Variants in SLC9C1 observed in about 807,000 individuals in gnomAD.
SLC9C1 encodes solute carrier family 9 member C1.
In SLC9C1, 97 loss-of-function variants were observed where a neutral mutation model predicts 140.9. The observed-to-expected ratio is 0.69, with a 90% CI of 0.58 to 0.82. The LOEUF is 0.82. SLC9C1 is among the 40% of genes least tolerant of loss of function. The pLI is 0.00. For synonymous variants in SLC9C1, 440 were observed against 442.6 expected, an observed-to-expected ratio of 0.99 and a Z score of 0.07; for missense variants, 1,340 against 1,389.3, an observed-to-expected ratio of 0.96 and a Z score of 0.56.
chr3:112,180,072 A>G (rs2077410184), intron 22 of SLC9C1, among the ~76,000 whole-genome samples: 1 of 152,194 alleles, frequency 6.6e-6, no homozygotes, highest in Non-Finnish European at 1.5e-5. Context: ...AAAATGATGG[A>G]TAGTGTTATC....
chr3:112,179,407 A>G, intron 23 of SLC9C1, 124 bp downstream of exon 23: 2 of 1,109,584 alleles, frequency 1.8e-6, no homozygotes, highest in Non-Finnish European at 2.5e-6. Flanking sequence ...GTTCCTTTAT[A>G]ATTCCTAGTT....
At chr3:112,228,944 T>C (rs2078750528) in intron 13 of SLC9C1, among the ~76,000 whole-genome samples, 2 of 143,020 alleles carry the variant, frequency 1.4e-5, no homozygotes, top group African/African-American at 4.9e-5. Context: ...AATAGATGAA[T>C]GGATACAGAA....
chr3:112,202,128 T>C (rs922511463), intron 18 of SLC9C1, 122 bp downstream of exon 18: 8 of 1,125,362 alleles, frequency 7.1e-6, no homozygotes, highest in Non-Finnish European at 1.0e-5. Flanking sequence ...TTTAAGTTTT[T>C]AAAGAAATGA....
At chr3:112,209,445 A>G (rs893245158) in intron 15 of SLC9C1, among the ~76,000 whole-genome samples, 12 of 152,258 alleles carry the variant, frequency 7.9e-5, no homozygotes, top group Admixed American at 3.3e-4. Flanking sequence ...GCTTAAATTT[A>G]TGGTTAAATT....
intron 15 of SLC9C1, among the ~76,000 whole-genome samples, chr3:112,216,709 G>C (rs578227455): frequency 7.2e-5 from 11 of 152,136 alleles, no homozygotes; most frequent in African/African-American, 2.7e-4. Context: ...GAAACAACAG[G>C]TGCTGGAGAG....
At chr3:112,226,839 C>G (rs1370643262) in intron 13 of SLC9C1, among the ~76,000 whole-genome samples, 3 of 151,718 alleles carry the variant, frequency 2.0e-5, no homozygotes, top group Non-Finnish European at 4.4e-5. Context: ...TAATAAAAAT[C>G]AGAACTAAAA....
At chr3:112,168,322 TACACACACACACACAC>T (rs56965031) in intron 25 of SLC9C1, among the ~76,000 whole-genome samples, 4 of 133,734 alleles carry the variant, frequency 3.0e-5, no homozygotes, top group African/African-American at 5.6e-5. Context: ...CACAAAACAA[TACACACACACACACAC>T]ACACACACAC....
intron 10 of SLC9C1, among the ~76,000 whole-genome samples, chr3:112,254,009 A>G (rs1247725136): frequency 6.6e-6 from 1 of 152,218 alleles, no homozygotes; most frequent in Admixed American, 6.5e-5. Context: ...TGAAGGCTTG[A>G]TCCATGAAAT....
chr3:112,274,890 T>A lies in SLC9C1; in HGVS notation c.613+7A>T, dbSNP rs759610410. On this transcript the variant is annotated splice_region_variant and intron_variant, in intron 6 of 28. Coordinates refer to ENST00000305815, the MANE Select transcript of SLC9C1 (RefSeq NM_183061.3). ...TGTTGAGAAAAATTTTTTAAAAATA[T>A]ACTTACCTAAGGTATGGTTTCTTTT... 1 of 1,536,946 alleles carries A rather than the reference T, an allele frequency of 6.5e-7. No individual in the cohort carries two copies. Among genetic ancestry groups the A allele is most frequent in the Non-Finnish European group, 8.7e-7 (1 of 1,150,590 alleles).
At chr3:112,223,103 A>T (rs1348560062) in intron 13 of SLC9C1, among the ~76,000 whole-genome samples, 1 of 152,170 alleles carries the variant, frequency 6.6e-6, no homozygotes, top group Non-Finnish European at 1.5e-5. Flanking sequence ...ATATGTAATA[A>T]AACATATCTA....
In SLC9C1 at chr3:112,208,333, C is replaced by T; in HGVS notation, c.1831G>A (p.Glu611Lys). The change falls in exon 16 of 29, where the codon GAG (glutamate) becomes AAG (lysine). Residue 611 changes from glutamate (E) to lysine (K), a missense_variant. Physicochemically the swap from Glu to Lys is moderately conservative, Grantham distance 56. Coordinates refer to ENST00000305815, the MANE Select transcript of SLC9C1 (RefSeq NM_183061.3). ...FRICHTIVFTEEFEHVGYLVI... is the reference protein window; with the variant it reads ...FRICHTIVFTKEFEHVGYLVI... The stretch of plus-strand genomic sequence containing the variant: ...AGGTATCCAACATGTTCAAATTCCT[C>T]AGTAAATACTATTGTATGGCATATA... 1.2e-6 allele frequency: 2 copies of T among 1,602,576 alleles called. No individual in the cohort carries two copies. The highest frequency in any genetic ancestry group is 8.5e-7 in the Non-Finnish European group (1 of 1,173,920).
At chr3:112,285,840 C>G (rs2080492746) in intron 2 of SLC9C1, among the ~76,000 whole-genome samples, 1 of 152,114 alleles carries the variant, frequency 6.6e-6, no homozygotes, top group South Asian at 2.1e-4. Context: ...GATCTTGGCT[C>G]ATTGCAATAT....
rs550676206 is a variant in SLC9C1 at position 112,214,574 on chromosome 3, A to G, written c.1790+2868T>C. Among the ~76,000 whole-genome samples the G allele has an allele frequency of 4.3e-4, 66 of 152,320 alleles. 1 individual carries two copies. In the South Asian group the frequency reaches 0.014, roughly 32 times the overall value. ...ATACAAACTACCCTCAGAGAATACT[A>G]TAAACACCTCTACACAAATAAACTA... On this transcript the variant is annotated intron_variant, in intron 15 of 28. Transcript: ENST00000305815.
intron 2 of SLC9C1, among the ~76,000 whole-genome samples, chr3:112,281,755 T>G (rs6438063): frequency 0.99 from 151,425 of 152,342 alleles, 75,260 homozygotes; most frequent in Middle Eastern, 1. Flanking sequence ...TTGAAAAGAG[T>G]AATATGAATT....
At chr3:112,229,631 G>A (rs9844769) in intron 13 of SLC9C1, among the ~76,000 whole-genome samples, 44,688 of 151,814 alleles carry the variant, frequency 0.29, 6,759 homozygotes, top group East Asian at 0.35. Flanking sequence ...AATTGTGTGC[G>A]TGTATGTGTG....
rs749535123 is a variant in SLC9C1 at position 112,217,534 on chromosome 3, ATTCT to A, written c.1694_1697del (p.Lys565IlefsTer42). On this transcript the variant is annotated frameshift_variant, in exon 15 of 29. Coordinates refer to ENST00000305815, the MANE Select transcript of SLC9C1 (RefSeq NM_183061.3). LOFTEE classifies it high-confidence loss of function. ...TAACTGTTTTTTGGCTTTCAGAATA[ATTCT>A]TTATTGTATCAAGACTCATACATCT... 3 of 1,607,480 alleles carry A rather than the reference ATTCT, an allele frequency of 1.9e-6. No homozygotes were observed. The South Asian group carries it at 3.3e-5, about 18-fold the overall frequency.
intron 1 of SLC9C1, 126 bp from the exon 2 acceptor site, chr3:112,287,004 T>TC (rs1313481038): frequency 2.3e-6 from 1 of 439,126 alleles, no homozygotes; most frequent in Admixed American, 4.1e-5. Flanking sequence ...GGGATGCCTC[T>TC]CCCTTCTATG....
chr3:112,217,449 G>C lies in SLC9C1; in HGVS notation c.1783C>G (p.Pro595Ala), dbSNP rs757399240. Residue 595 changes from proline to alanine, a missense_variant, in exon 15 of 29, where the codon CCA (proline) becomes GCA (alanine). Transcript: ENST00000305815. ...VYNTRKEKEG[P>A]SKYFFFRICH... ...AGGTTCAAAAGCACTTACTTTGATG[G>C]GCCCTCTTTTTCCTTTCTGGTATTA... 6.3e-6 allele frequency: 10 copies of C among 1,585,234 alleles called. No individual in the cohort carries two copies. The Admixed American group carries it at 9.6e-5, about 15-fold the overall frequency.
At chr3:112,246,640 A>C (rs1031380853) in intron 10 of SLC9C1, among the ~76,000 whole-genome samples, 1 of 152,194 alleles carries the variant, frequency 6.6e-6, no homozygotes, top group African/African-American at 2.4e-5. Context: ...CCAAGATGAT[A>C]ACTTTTTAAA....
Sources: allele counts gnomAD v4.1 joint callset (sites outside exome capture counted in the v4.1 genomes callset), GRCh38; gene constraint gnomAD v4.1.1; transcripts MANE v1.5; gene names NCBI Gene and HGNC (gene_info 2026-07-23, HGNC 2026-07-21).